The following GNE variants were observed in gnomAD, a reference collection of about 807,000 sequenced individuals.
The protein encoded by GNE is bifunctional UDP-N-acetylglucosamine 2-epimerase/N-acetylmannosamine kinase.
GNE carries 41 observed loss-of-function variants against 61.8 expected under a neutral mutation model. That is an observed-to-expected ratio of 0.66 (90% CI 0.52 to 0.86). The LOEUF is 0.86. Among genes scored for constraint, GNE ranks in the 40% least tolerant of loss-of-function variants. The probability of loss-of-function intolerance (pLI) is 0.00; values close to 1 mark genes in which losing one functional copy is unlikely to be tolerated. For missense variants in GNE, 608 were observed against 909.1 expected (o/e 0.67, Z 4.26); for synonymous variants, 264 against 326.4 (o/e 0.81, Z 2.06).
At position 36,222,981 on chromosome 9, in the gene GNE, G is replaced by A. The variant is rs551854437; in HGVS notation, c.1429C>T (p.Arg477Cys). 55 of 1,613,696 alleles carry A rather than the reference G, an allele frequency of 3.4e-5. No individual in the cohort carries two copies. The highest frequency in any genetic ancestry group is 2.9e-4 in the South Asian group (26 of 91,048). The change falls in exon 9 of 12, where the codon CGT becomes TGT. Residue 477 changes from arginine to cysteine, a missense_variant. Transcript: ENST00000642385. ...ILGVGISTGG[R>C]VNPREGIVLH... is the part of the protein sequence containing the mutation. ...ACAATTCCTTCCCGAGGATTTACAC[G>A]GCCACCTGTGGAAATGCCTGCGCTC... is the stretch of plus-strand genomic sequence containing the variant.
intron 3 of GNE, among the ~76,000 whole-genome samples, chr9:36,237,379 C>A (rs1829435801): frequency 6.6e-6 from 1 of 152,112 alleles, no homozygotes; most frequent in African/African-American, 2.4e-5. Context: ...CATTTTGAGG[C>A]TGAACAAGCA....
intron 1 of GNE, among the ~76,000 whole-genome samples, chr9:36,272,258 G>A (rs538089736): frequency 4.6e-5 from 7 of 152,304 alleles, no homozygotes; most frequent in African/African-American, 1.7e-4. Flanking sequence ...AAGGAGGTTA[G>A]ACTTTCCCTC....
At chr9:36,252,498 G>T (rs1003089078) in intron 1 of GNE, among the ~76,000 whole-genome samples, 2 of 152,126 alleles carry the variant, frequency 1.3e-5, no homozygotes, top group African/African-American at 4.8e-5. Flanking sequence ...GTACTAAAAT[G>T]CTTATTTACC....
intron 1 of GNE, among the ~76,000 whole-genome samples, chr9:36,268,771 T>G (rs948095681): frequency 6.6e-6 from 1 of 152,152 alleles, no homozygotes; most frequent in Non-Finnish European, 1.5e-5. Flanking sequence ...TGGGGAAATT[T>G]TATTATTTCC....
At chr9:36,257,801 T>G (rs1233521509) in intron 1 of GNE, among the ~76,000 whole-genome samples, 1 of 5,362 alleles carries the variant, frequency 1.9e-4, no homozygotes, top group African/African-American at 7.1e-4. Flanking sequence ...AGACTCAGTC[T>G]CAAAAAAAAA....
chr9:36,222,455 T>A (rs536380807), intron 9 of GNE, among the ~76,000 whole-genome samples: 6 of 151,286 alleles, frequency 4.0e-5, no homozygotes, highest in African/African-American at 1.5e-4. Flanking sequence ...GTAAAATGTA[T>A]TAGTCTGTGC....
rs1463585423 is a variant in GNE, at chr9:36,215,577, A to G, written c.*1788T>C. On this transcript the variant is annotated 3_prime_UTR_variant, in exon 12 of 12. Transcript: ENST00000642385. ...GATCAAACCCTCTCTCTAGCCCCAT[A>G]GCTTAACAGTCAAACACACCAAGTT... The G allele has an allele frequency of 2.0e-5, 3 of 152,246 alleles. No individual in the cohort carries two copies. Among genetic ancestry groups the G allele is most frequent in the Admixed American group, 2.0e-4 (3 of 15,276 alleles). 9.4% of individuals were successfully genotyped at this position (152,246 alleles called of 1,614,324 possible). A position where few individuals can be genotyped will look rare whatever the true frequency, so the allele number is the denominator to read the frequency against.
At chr9:36,262,984 C>T (rs1315784331), upstream of GNE, among the ~76,000 whole-genome samples, 5 of 152,052 alleles carry the variant, frequency 3.3e-5, no homozygotes, top group Non-Finnish European at 7.4e-5. Flanking sequence ...TCTGTATATA[C>T]CCCCTACTTT....
chr9:36,240,725 G>A (rs568631591), intron 3 of GNE, among the ~76,000 whole-genome samples: 219 of 152,124 alleles, frequency 1.4e-3, no homozygotes, highest in African/African-American at 5.1e-3. Flanking sequence ...CAAAAGGATT[G>A]GTACCAATTC....
In GNE at chr9:36,270,673, G is replaced by A. The variant is rs374797846; in HGVS notation, c.51+6221C>T. Among the ~76,000 whole-genome samples, 34 of 152,010 alleles carry A rather than the reference G, an allele frequency of 2.2e-4. No individual in the cohort carries two copies. The East Asian group carries it at 4.9e-3, about 22-fold the overall frequency. On this transcript the variant is annotated intron_variant, in intron 1 of 11. Transcript: ENST00000396594. ...GCTGGGACTGCAGGCGCCCGCCACC[G>A]CGCCCGGCTAATGTTTTGTATTTTT...
At chr9:36,258,639 G>T (rs566088689), upstream of GNE, 3 of 462,778 alleles carry the variant, frequency 6.5e-6, no homozygotes, top group East Asian at 1.5e-4. Context: ...CATCTTCCAT[G>T]GCCTCTGCCG....
chr9:36,251,492 T>A (rs1050098186), intron 1 of GNE, among the ~76,000 whole-genome samples: 1 of 152,178 alleles, frequency 6.6e-6, no homozygotes, highest in Admixed American at 6.6e-5. Context: ...AGCACGATCA[T>A]AGCTCATTGC....
At chr9:36,230,723 G>C (rs112552153) in intron 5 of GNE, among the ~76,000 whole-genome samples, 1 of 150,596 alleles carries the variant, frequency 6.6e-6, no homozygotes, top group Admixed American at 6.6e-5. Flanking sequence ...GCAGTGGCGC[G>C]ATCTTGGCTC....
In GNE at chr9:36,214,799, GA is replaced by G. The variant is rs1715727129; in HGVS notation, c.*2565del. On this transcript the variant is annotated 3_prime_UTR_variant, in exon 12 of 12. Transcript: ENST00000642385. Reference sequence around the variant, plus strand: ...TCCCAGGAATCACCATGGAATGTCTGAACAATAACCAGGCCCTGGAGATTAC... The same window carrying G: ...TCCCAGGAATCACCATGGAATGTCTGACAATAACCAGGCCCTGGAGATTAC... 6.6e-6 allele frequency: 1 copy of G among 152,152 alleles called. No individual in the cohort carries two copies. The highest frequency in any genetic ancestry group is 2.4e-5 in the African/African-American group (1 of 41,444). The allele number at this position is 152,152 out of a possible 1,614,324, so 9.4% of individuals were successfully genotyped here. A position where few individuals can be genotyped will look rare whatever the true frequency, so the allele number is the denominator to read the frequency against.
chr9:36,252,924 C>T (rs1173881201), intron 1 of GNE, among the ~76,000 whole-genome samples: 2 of 152,028 alleles, frequency 1.3e-5, no homozygotes, highest in Non-Finnish European at 2.9e-5. Flanking sequence ...TTTGGGAGGC[C>T]GAGCTGGGTG....
intron 4 of GNE, among the ~76,000 whole-genome samples, chr9:36,236,617 CTT>C (rs1212620556): frequency 6.6e-6 from 1 of 152,162 alleles, no homozygotes; most frequent in Admixed American, 6.5e-5. Context: ...AGTAGACAGA[CTT>C]TTTATTATTA....
chr9:36,270,848 G>A (rs1185192705), intron 1 of GNE, among the ~76,000 whole-genome samples: 2 of 152,144 alleles, frequency 1.3e-5, no homozygotes, highest in African/African-American at 4.8e-5. Context: ...CCAGGAGTTT[G>A]AGTCCAGCCT....
chr9:36,230,088 A>AG (rs1367859894), intron 5 of GNE, among the ~76,000 whole-genome samples: 4 of 152,100 alleles, frequency 2.6e-5, no homozygotes, highest in Non-Finnish European at 4.4e-5. Flanking sequence ...CTGGGATTGC[A>AG]GGCGTGTACC....
chr9:36,233,552 A>G (rs183825576), intron 5 of GNE, among the ~76,000 whole-genome samples: 118 of 152,256 alleles, frequency 7.8e-4, no homozygotes, highest in African/African-American at 2.8e-3. Context: ...CTGTAGTCCC[A>G]GCTACTTGGG....
Sources: gnomAD v4.1 joint callset for allele counts (sites outside exome capture counted in the v4.1 genomes callset) on GRCh38, gnomAD v4.1.1 for gene constraint, MANE v1.5 for transcripts, NCBI Gene and HGNC (gene_info 2026-07-23, HGNC 2026-07-21) for gene names.